The following ERBB4 variants were observed in gnomAD, a reference collection of about 807,000 sequenced individuals.
The protein encoded by ERBB4 is erb-b2 receptor tyrosine kinase 4.
A neutral mutation model predicts 158.0 loss-of-function variants in ERBB4; 42 were observed. The ratio of observed to expected loss-of-function variants is 0.27; its 90% CI spans 0.21 to 0.34. The LOEUF (loss-of-function observed/expected upper bound fraction) is 0.34. Ranked by LOEUF, ERBB4 falls within the 10% of genes least tolerant of loss-of-function variation. ERBB4 has a pLI of 1.00. For missense variants in ERBB4, 1,333 were observed against 1,624.1 expected (o/e 0.82, Z 3.08); for synonymous variants, 583 against 558.7 (o/e 1.04, Z -0.61).
chr2:212,473,638 A>C (rs1689225765), intron 1 of ERBB4, among the ~76,000 whole-genome samples: 1 of 152,140 alleles, frequency 6.6e-6, no homozygotes, highest in African/African-American at 2.4e-5. Flanking sequence ...TATGGTAATG[A>C]GATCAGTATT....
chr2:212,305,530 A>G (rs1175306623), intron 1 of ERBB4, among the ~76,000 whole-genome samples: 6 of 151,272 alleles, frequency 4.0e-5, no homozygotes, highest in Non-Finnish European at 8.9e-5. Flanking sequence ...TTAGAGTCAT[A>G]CATTTTCTCT....
At chr2:211,853,245 T>C (rs1315990549) in intron 3 of ERBB4, among the ~76,000 whole-genome samples, 3 of 152,010 alleles carry the variant, frequency 2.0e-5, no homozygotes, top group Non-Finnish European at 2.9e-5. Context: ...CTTGCTCTTT[T>C]TTTTTCTTCA....
chr2:212,025,745 C>T (rs1197222106), intron 2 of ERBB4, among the ~76,000 whole-genome samples: 1 of 151,818 alleles, frequency 6.6e-6, no homozygotes, highest in East Asian at 1.9e-4. Flanking sequence ...ATACTCCTCT[C>T]TCTTTTCTAG....
chr2:212,524,869 A>C (rs1344965402), intron 1 of ERBB4, among the ~76,000 whole-genome samples: 1 of 152,082 alleles, frequency 6.6e-6, no homozygotes, highest in East Asian at 1.9e-4. Flanking sequence ...TAATATTTAC[A>C]GTATTTAGTG....
At chr2:211,988,708 C>T (rs1421534768) in intron 2 of ERBB4, among the ~76,000 whole-genome samples, 1 of 152,038 alleles carries the variant, frequency 6.6e-6, no homozygotes, top group African/African-American at 2.4e-5. Context: ...GCTCTTCTCT[C>T]TTTCATTTGC....
At chr2:212,214,565 A>G (rs571959867) in intron 1 of ERBB4, among the ~76,000 whole-genome samples, 2 of 151,732 alleles carry the variant, frequency 1.3e-5, no homozygotes, top group African/African-American at 4.8e-5. Context: ...TATATTTAAA[A>G]CCACAATAAG....
chr2:212,456,771 C>A (rs778339545), intron 1 of ERBB4, among the ~76,000 whole-genome samples: 13 of 151,684 alleles, frequency 8.6e-5, no homozygotes, highest in Non-Finnish European at 1.8e-4. Context: ...ATAAAAACAA[C>A]ATATATCCAT....
Position 212,012,701 on chromosome 2 carries a change from C to A in ERBB4, c.235-65085G>T, listed in dbSNP as rs1023112192. ...GCACTAGGACCACAGGCGTGAGCCA[C>A]CATGCCCAAACTTTTTGTTGTTGTT... On this transcript the variant is annotated intron_variant, in intron 2 of 27. Transcript: ENST00000342788. Among the ~76,000 whole-genome samples the A allele has an allele frequency of 5.9e-5, 9 of 152,136 alleles. 1 individual carries two copies. The highest frequency in any genetic ancestry group is 5.9e-4 in the Admixed American group (9 of 15,262).
chr2:211,889,208 C>G lies in ERBB4; in HGVS notation c.421+58222G>C, dbSNP rs565735507. Reference sequence around the variant, plus strand: ...AGCACGCAGCTGGAGATCTGAGAACCCGCAGACTGCCTCCTCAAGTGGGTC... The same window carrying G: ...AGCACGCAGCTGGAGATCTGAGAACGCGCAGACTGCCTCCTCAAGTGGGTC... On this transcript the variant is annotated intron_variant, in intron 3 of 27. Transcript: ENST00000342788. Among the ~76,000 whole-genome samples the G allele has an allele frequency of 8.7e-4, 126 of 144,394 alleles. 1 individual carries two copies. Among genetic ancestry groups the G allele is most frequent in the South Asian group, 3.4e-3 (16 of 4,724 alleles). The allele number at this position is 144,394 out of a possible 152,430, so 94.7% of individuals were successfully genotyped here. A position where few individuals can be genotyped will look rare whatever the true frequency, so the allele number is the denominator to read the frequency against.
At position 211,964,434 on chromosome 2, in the gene ERBB4, G is replaced by A. The variant is rs535623418; in HGVS notation, c.235-16818C>T. Reference sequence around the variant, plus strand: ...TCGGAATTACGTTAAACTAGAAAATGTATTGTGGTTTTAAGTTCATGAACT... The same window carrying A: ...TCGGAATTACGTTAAACTAGAAAATATATTGTGGTTTTAAGTTCATGAACT... On this transcript the variant is annotated intron_variant, in intron 2 of 27. Transcript: ENST00000342788. Among the ~76,000 whole-genome samples, 87 of 152,258 alleles carry A rather than the reference G, an allele frequency of 5.7e-4. 1 individual carries two copies. The South Asian group carries it at 0.017, about 30-fold the overall frequency.
intron 1 of ERBB4, among the ~76,000 whole-genome samples, chr2:212,437,009 G>C (rs537871755): frequency 2.0e-5 from 3 of 152,104 alleles, no homozygotes; most frequent in South Asian, 4.1e-4. Context: ...AGTAAGGCTA[G>C]AGATCCCAGG....
intron 1 of ERBB4, among the ~76,000 whole-genome samples, chr2:212,229,221 CAG>C (rs1247472056): frequency 6.6e-6 from 1 of 152,082 alleles, no homozygotes; most frequent in African/African-American, 2.4e-5. Context: ...GAGAGGGAAA[CAG>C]AAAGCACTGT....
intron 2 of ERBB4, among the ~76,000 whole-genome samples, chr2:212,026,570 G>A (rs1045619327): frequency 7.9e-5 from 12 of 151,784 alleles, no homozygotes; most frequent in African/African-American, 2.9e-4. Flanking sequence ...CATTTAAAAT[G>A]CATCAAAAAC....
In ERBB4 at chr2:212,441,870, T is replaced by C. The variant is rs527772381; in HGVS notation, c.82+96579A>G. ...GGATTAATCACTTTAGACATACTCA[T>C]CCCAGCTAGGAGGGTCCAGAAGATA... On this transcript the variant is annotated intron_variant, in intron 1 of 27. Transcript: ENST00000342788. 2.0e-5 allele frequency among the ~76,000 whole-genome samples: 3 copies of C among 152,236 alleles called. No homozygotes were observed. The South Asian group carries it at 6.2e-4, about 32-fold the overall frequency.
At chr2:211,800,463 T>C (rs2076474047) in intron 3 of ERBB4, among the ~76,000 whole-genome samples, 1 of 151,994 alleles carries the variant, frequency 6.6e-6, no homozygotes. Context: ...AAAGCGTGAG[T>C]AATCTAAATG....
At chr2:211,570,380 G>A (rs1382727837) in intron 19 of ERBB4, among the ~76,000 whole-genome samples, 1 of 134,024 alleles carries the variant, frequency 7.5e-6, no homozygotes, top group Non-Finnish European at 1.5e-5. Context: ...TTGGCCAGGT[G>A]GTCTCAAACT....
intron 1 of ERBB4, among the ~76,000 whole-genome samples, chr2:212,334,649 T>C (rs1403139654): frequency 6.6e-6 from 1 of 151,938 alleles, no homozygotes; most frequent in Non-Finnish European, 1.5e-5. Context: ...TTTATAAGTA[T>C]TATATCAGTC....
intron 1 of ERBB4, among the ~76,000 whole-genome samples, chr2:212,474,819 A>ATTTTTTTTTTTTTTTT (rs1295029698): frequency 1.4e-4 from 10 of 72,168 alleles, no homozygotes; most frequent in South Asian, 3.6e-4. Flanking sequence ...ACACCCGGCC[A>ATTTTTTTTTTTTTTTT]TTCTTTTTTT....
intron 1 of ERBB4, among the ~76,000 whole-genome samples, chr2:212,181,962 T>A (rs879909697): frequency 6.6e-6 from 1 of 151,736 alleles, no homozygotes; most frequent in Non-Finnish European, 1.5e-5. Flanking sequence ...CTACAAAAAA[T>A]GCTGCAAGTG....
Sources: allele counts gnomAD v4.1 joint callset (sites outside exome capture counted in the v4.1 genomes callset), GRCh38; gene constraint gnomAD v4.1.1; transcripts MANE v1.5; gene names NCBI Gene and HGNC (gene_info 2026-07-23, HGNC 2026-07-21).